The following TTC3 variants were observed in gnomAD, a reference collection of about 807,000 sequenced individuals.
The protein encoded by TTC3 is tetratricopeptide repeat domain 3, also known as E3 ubiquitin-protein ligase TTC3.
In TTC3, 180 loss-of-function variants were observed where a neutral mutation model predicts 249.6. The ratio of observed to expected loss-of-function variants is 0.72; its 90% CI spans 0.64 to 0.82. The LOEUF is 0.82. Among genes scored for constraint, TTC3 ranks in the 40% least tolerant of loss-of-function variants. The probability of loss-of-function intolerance (pLI) is 0.00; values close to 1 mark genes in which losing one functional copy is unlikely to be tolerated. For synonymous variants in TTC3, 717 were observed against 805.0 expected, an observed-to-expected ratio of 0.89 and a Z score of 1.85; for missense variants, 2,061 against 2,398.4, an observed-to-expected ratio of 0.86 and a Z score of 2.94.
In TTC3 at chr21:37,096,651, G is replaced by A. The variant is rs2073973865; in HGVS notation, c.845+8G>A. 6 of 1,600,990 alleles carry A rather than the reference G, an allele frequency of 3.7e-6. No homozygotes were observed. Among genetic ancestry groups the A allele is most frequent in the Non-Finnish European group, 5.1e-6 (6 of 1,171,904 alleles). On this transcript the variant is annotated splice_region_variant and intron_variant, in intron 10 of 45. Coordinates refer to ENST00000355666, the Ensembl canonical transcript of TTC3. ...TCGTACTGGACAGTTTAGGTAAGTT[G>A]GTTAAAATATCTCAACCACTGAATT...
chr21:37,108,510 TA>T, intron 11 of TTC3, 64 bp downstream of exon 11: 1 of 1,462,408 alleles, frequency 6.8e-7, no homozygotes, highest in East Asian at 2.3e-5. Flanking sequence ...AAAATCTGTT[TA>T]TAGGGTGTGT....
intron 11 of TTC3, among the ~76,000 whole-genome samples, chr21:37,118,215 G>A (rs1378290110): frequency 6.6e-6 from 1 of 152,004 alleles, no homozygotes; most frequent in Non-Finnish European, 1.5e-5. Flanking sequence ...TTATAAGATT[G>A]CCTTACTTTA....
In TTC3 at chr21:37,189,616, C is replaced by T. The variant is rs549764818; in HGVS notation, c.5024+1021C>T. Among the ~76,000 whole-genome samples, 27 of 151,572 alleles carry T rather than the reference C, an allele frequency of 1.8e-4. No homozygotes were observed. In the East Asian group the frequency reaches 5.1e-3, roughly 29 times the overall value. On this transcript the variant is annotated intron_variant, in intron 39 of 45. Coordinates refer to ENST00000355666, the Ensembl canonical transcript of TTC3. The stretch of plus-strand genomic sequence containing the variant: ...ATGCTGGAGTGTAGTGGCGTGATCT[C>T]GGCTCACTGCAAGCTCTGCCTCCCG...
At chr21:37,150,018 A>C in intron 23 of TTC3, 60 bp from the exon 24 acceptor site, 1 of 1,236,572 alleles carries the variant, frequency 8.1e-7, no homozygotes, top group Non-Finnish European at 1.2e-6. Flanking sequence ...GTATACGTGT[A>C]TAGATTTATC....
chr21:37,197,031 G>A (rs977999781), intron 42 of TTC3, among the ~76,000 whole-genome samples: 2 of 152,194 alleles, frequency 1.3e-5, no homozygotes, highest in Non-Finnish European at 2.9e-5. Context: ...AGGTAGAGGC[G>A]GTGTCTCTGA....
chr21:37,090,466 TC>T (rs2073115611), intron 6 of TTC3, 180 bp downstream of exon 6: 5 of 645,154 alleles, frequency 7.8e-6, no homozygotes, highest in Non-Finnish European at 9.4e-6. Context: ...TCATTTTCTC[TC>T]TTTTTTTTTT....
chr21:37,181,575 T>A (rs2082763441), intron 35 of TTC3, among the ~76,000 whole-genome samples: 10 of 152,248 alleles, frequency 6.6e-5, no homozygotes, highest in Admixed American at 6.5e-4. Context: ...CTGGTTCCTA[T>A]GTTAAAGGGA....
At chr21:37,112,150 C>A (rs2075727069) in intron 11 of TTC3, among the ~76,000 whole-genome samples, 1 of 152,070 alleles carries the variant, frequency 6.6e-6, no homozygotes, top group Admixed American at 6.5e-5. Flanking sequence ...GAAGCAAGAG[C>A]AAACACATGC....
At position 37,088,887 on chromosome 21, in the gene TTC3, G is replaced by T; in HGVS notation, c.426+1G>T. The T allele has an allele frequency of 6.2e-7, 1 of 1,613,202 alleles. No individual in the cohort carries two copies. The highest frequency in any genetic ancestry group is 8.5e-7 in the Non-Finnish European group (1 of 1,179,568). ...TGTGGATTTGGCAAAGAAAGTTGCT[G>T]TAAGTGGTAGAATGTAGGTTCCCCC... On this transcript the variant is annotated splice_donor_variant, in intron 5 of 45. Coordinates refer to ENST00000355666, the Ensembl canonical transcript of TTC3. LOFTEE classifies it high-confidence loss of function.
At chr21:37,105,808 G>A (rs1308398432) in intron 10 of TTC3, among the ~76,000 whole-genome samples, 1 of 152,230 alleles carries the variant, frequency 6.6e-6, no homozygotes, top group Non-Finnish European at 1.5e-5. Flanking sequence ...ATTGTTGCAT[G>A]TAGTTGTAAA....
chr21:37,137,650 C>T (rs1305655834), intron 18 of TTC3, among the ~76,000 whole-genome samples: 1 of 152,118 alleles, frequency 6.6e-6, no homozygotes, highest in African/African-American at 2.4e-5. Context: ...AAATGAGAAA[C>T]TTAGTTGATC....
At chr21:37,137,896 A>G (rs2078099445) in intron 18 of TTC3, among the ~76,000 whole-genome samples, 1 of 152,168 alleles carries the variant, frequency 6.6e-6, no homozygotes. Context: ...CCATCCACCA[A>G]CAAAAAGATT....
chr21:37,096,811 G>A (rs572519099), intron 10 of TTC3, 168 bp downstream of exon 10: 5 of 538,606 alleles, frequency 9.3e-6, no homozygotes, highest in African/African-American at 1.9e-5. Flanking sequence ...TAACAACAGT[G>A]ACAGCAGCAG....
Position 37,186,468 on chromosome 21 carries a change from G to T in TTC3, c.4827-581G>T, listed in dbSNP as rs533921101. Among the ~76,000 whole-genome samples, 15 of 152,160 alleles carry T rather than the reference G, an allele frequency of 9.9e-5. No individual in the cohort carries two copies. In the South Asian group the frequency reaches 2.3e-3, roughly 23 times the overall value. On this transcript the variant is annotated intron_variant, in intron 37 of 45. Coordinates refer to ENST00000355666, the Ensembl canonical transcript of TTC3. ...TTATTTATTTATTTTTTGAGATAGGGTCTTGCTCTGTCACCCAGGCTGGAA... is the reference window on the plus strand; with the variant it reads ...TTATTTATTTATTTTTTGAGATAGGTTCTTGCTCTGTCACCCAGGCTGGAA...
At chr21:37,130,366 C>T (rs1471552690) in intron 16 of TTC3, among the ~76,000 whole-genome samples, 1 of 152,080 alleles carries the variant, frequency 6.6e-6, no homozygotes, top group Admixed American at 6.5e-5. Context: ...TTTTTAAATG[C>T]AGAGTTGTAA....
chr21:37,185,410 G>A (rs993219500), intron 36 of TTC3, among the ~76,000 whole-genome samples: 12 of 152,170 alleles, frequency 7.9e-5, no homozygotes, highest in Non-Finnish European at 1.5e-5. Flanking sequence ...TGATGATGCC[G>A]CAGTACCTGT....
intron 25 of TTC3, among the ~76,000 whole-genome samples, 172 bp downstream of exon 25, chr21:37,151,056 C>T (rs1020563243): frequency 6.6e-6 from 1 of 151,654 alleles, no homozygotes; most frequent in Admixed American, 6.6e-5. Flanking sequence ...AGAGAACTAG[C>T]CTAGAATGAT....
chr21:37,108,496 GTGAAAAATCTGTTTA>G (rs755571880), intron 11 of TTC3, 50 bp downstream of exon 11: 13 of 1,532,080 alleles, frequency 8.5e-6, no homozygotes, highest in Non-Finnish European at 1.2e-5. Context: ...ATACAACATT[GTGAAAAATCTGTTTA>G]TAGGGTGTGT....
exon 42 of TTC3, chr21:37,196,003 A>G (rs2084864144): frequency 6.2e-7 from 1 of 1,614,032 alleles, no homozygotes; most frequent in Non-Finnish European, 8.5e-7. Context: ...AGTATTATTG[A>G]GCACCTGTCA....
Sources: gnomAD v4.1 joint callset for allele counts (sites outside exome capture counted in the v4.1 genomes callset) on GRCh38, gnomAD v4.1.1 for gene constraint, MANE v1.5 for transcripts, NCBI Gene and HGNC (gene_info 2026-07-23, HGNC 2026-07-21) for gene names.